The following PKHD1 variants were observed in gnomAD, a reference collection of about 807,000 sequenced individuals.
PKHD1 encodes PKHD1 ciliary IPT domain containing fibrocystin/polyductin.
PKHD1 carries 291 observed loss-of-function variants against 412.0 expected under a neutral mutation model. The ratio of observed to expected loss-of-function variants is 0.71; its 90% CI spans 0.64 to 0.78. The LOEUF (loss-of-function observed/expected upper bound fraction) is 0.78, where lower values mean the gene tolerates loss of function less well. Among genes scored for constraint, PKHD1 ranks in the 30% least tolerant of loss-of-function variants. PKHD1 has a pLI of 0.00. For synonymous variants in PKHD1, 1,777 were observed against 1,821.5 expected (o/e 0.98, Z 0.62); for missense variants, 4,825 against 4,950.7 (o/e 0.97, Z 0.76).
intron 53 of PKHD1, among the ~76,000 whole-genome samples, chr6:51,787,075 C>A (rs909250919): frequency 6.6e-6 from 1 of 152,112 alleles, no homozygotes; most frequent in Non-Finnish European, 1.5e-5. Flanking sequence ...CAAGCAGGAC[C>A]ACCGGCTGGG....
intron 54 of PKHD1, among the ~76,000 whole-genome samples, chr6:51,773,511 A>G (rs1237797026): frequency 6.6e-6 from 1 of 151,616 alleles, no homozygotes; most frequent in Non-Finnish European, 1.5e-5. Flanking sequence ...CAGCACATAT[A>G]TATTTATTTT....
intron 52 of PKHD1, among the ~76,000 whole-genome samples, chr6:51,804,998 C>G (rs1479875162): frequency 6.6e-6 from 1 of 152,126 alleles, no homozygotes; most frequent in Non-Finnish European, 1.5e-5. Flanking sequence ...AAAAATAGAA[C>G]TACCATTAAA....
chr6:51,720,868 C>T (rs532059206), intron 60 of PKHD1: 1 of 411,520 alleles, frequency 2.4e-6, no homozygotes, highest in Admixed American at 6.5e-5. Context: ...GTACATACAG[C>T]ATTTATTACA....
intron 60 of PKHD1, 29 bp from the exon 61 acceptor site, chr6:51,659,998 A>G (rs2150419166): frequency 7.6e-7 from 1 of 1,318,338 alleles, no homozygotes; most frequent in East Asian, 2.3e-5. Flanking sequence ...AAAACAAGTG[A>G]TATATGAATT....
chr6:52,056,389 T>A (rs1001962983), intron 18 of PKHD1, among the ~76,000 whole-genome samples: 2 of 152,168 alleles, frequency 1.3e-5, no homozygotes, highest in African/African-American at 4.8e-5. Context: ...GTTTTGGCTA[T>A]GTTTGCATGT....
intron 35 of PKHD1, among the ~76,000 whole-genome samples, chr6:51,962,774 T>TTCATG (rs907798013): frequency 7.2e-5 from 11 of 152,192 alleles, no homozygotes; most frequent in African/African-American, 2.4e-4. Context: ...TGCTCAGGTA[T>TTCATG]CACCTCCTTA....
rs560962128 is a variant in PKHD1, at chr6:52,013,409, G to A, written c.5601-2950C>T. ...TATTTGTAACTACCTTGCTAGAAAT[G>A]TTTTTCATTAAAAAGCCATCACCAA... On this transcript the variant is annotated intron_variant, in intron 34 of 66. Transcript: ENST00000371117. 5.9e-5 allele frequency among the ~76,000 whole-genome samples: 9 copies of A among 152,246 alleles called. No homozygotes were observed. The South Asian group carries it at 1.5e-3, about 25-fold the overall frequency.
At chr6:51,632,065 T>C (rs2150301643) in intron 65 of PKHD1, among the ~76,000 whole-genome samples, 1 of 151,348 alleles carries the variant, frequency 6.6e-6, no homozygotes, top group African/African-American at 2.4e-5. Flanking sequence ...TGCCTCAGCC[T>C]CCCGAGTAGC....
At chr6:51,936,165 T>TTGAG (rs1787447116) in intron 36 of PKHD1, among the ~76,000 whole-genome samples, 1 of 152,158 alleles carries the variant, frequency 6.6e-6, no homozygotes, top group African/African-American at 2.4e-5. Context: ...CAATTAATGG[T>TTGAG]TGAGTGAATG....
chr6:51,855,269 T>C (rs1328897735), intron 49 of PKHD1, among the ~76,000 whole-genome samples: 3 of 152,234 alleles, frequency 2.0e-5, no homozygotes, highest in Non-Finnish European at 4.4e-5. Context: ...AGAACCTGGA[T>C]ACCTTGGTTG....
intron 63 of PKHD1, among the ~76,000 whole-genome samples, chr6:51,644,956 G>A (rs1404759411): frequency 2.0e-5 from 3 of 152,158 alleles, no homozygotes; most frequent in Non-Finnish European, 4.4e-5. Context: ...GGCATTACAG[G>A]CATGTGTCAC....
chr6:51,722,133 C>T (rs1782003418), intron 60 of PKHD1: 3 of 1,558,804 alleles, frequency 1.9e-6, no homozygotes, highest in African/African-American at 1.4e-5. Flanking sequence ...GAAAATACCC[C>T]ACACCTTGTA....
intron 1 of PKHD1, among the ~76,000 whole-genome samples, chr6:52,085,530 GGC>G (rs1383172824): frequency 6.4e-4 from 97 of 152,210 alleles, no homozygotes; most frequent in African/African-American, 2.3e-3. Context: ...AGGAGATCCT[GGC>G]GCACCTTCGT....
At chr6:51,703,851 TG>T (rs1299295500) in intron 60 of PKHD1, among the ~76,000 whole-genome samples, 1 of 152,064 alleles carries the variant, frequency 6.6e-6, no homozygotes, top group African/African-American at 2.4e-5. Context: ...ACACATTTTG[TG>T]TTTTAATTCC....
In PKHD1 at chr6:52,025,266, T is replaced by G. The variant is rs1266663164; in HGVS notation, c.4544A>C (p.Glu1515Ala). Reference sequence around the variant, plus strand: ...TTGATCATCCACAAATACCATCGGCTCATCAGCTGTGGTGGCTAACCTCTG... The same window carrying G: ...TTGATCATCCACAAATACCATCGGCGCATCAGCTGTGGTGGCTAACCTCTG... The part of the protein sequence containing the change: ...RGQRLATTAD[E>A]PMVFVDDQLP... Residue 1515 changes from glutamate to alanine, a missense_variant, in exon 32 of 67, where the codon GAG becomes GCG. Physicochemically the swap from Glu to Ala is moderately radical, Grantham distance 107. Coordinates refer to ENST00000371117, the MANE Select transcript of PKHD1 (RefSeq NM_138694.4). 1 of 1,613,994 alleles carries G rather than the reference T, an allele frequency of 6.2e-7. No homozygotes were observed. The highest frequency in any genetic ancestry group is 1.7e-5 in the Admixed American group (1 of 59,994).
intron 35 of PKHD1, among the ~76,000 whole-genome samples, chr6:52,007,756 CTAGAAT>C (rs1799275247): frequency 6.6e-6 from 1 of 152,192 alleles, no homozygotes; most frequent in Non-Finnish European, 1.5e-5. Context: ...AGAGTAGAAT[CTAGAAT>C]TAACAATTTT....
chr6:51,645,356 T>G (rs1298678209), intron 63 of PKHD1, among the ~76,000 whole-genome samples: 6 of 152,200 alleles, frequency 3.9e-5, no homozygotes, highest in Admixed American at 3.9e-4. Flanking sequence ...GATATATATC[T>G]CTTTGTATAG....
chr6:51,897,938 C>T (rs976416148), intron 43 of PKHD1, among the ~76,000 whole-genome samples: 10 of 152,158 alleles, frequency 6.6e-5, no homozygotes, highest in South Asian at 2.1e-4. Flanking sequence ...TAATGGTAAA[C>T]GGATCAATTC....
intron 35 of PKHD1, among the ~76,000 whole-genome samples, chr6:51,997,066 C>T (rs1032130028): frequency 7.9e-5 from 12 of 152,158 alleles, no homozygotes; most frequent in Non-Finnish European, 1.3e-4. Flanking sequence ...GTCATGAAGA[C>T]ATATTTGTTG....
Sources: gnomAD v4.1 joint callset for allele counts (sites outside exome capture counted in the v4.1 genomes callset) on GRCh38, gnomAD v4.1.1 for gene constraint, MANE v1.5 for transcripts, NCBI Gene and HGNC (gene_info 2026-07-23, HGNC 2026-07-21) for gene names.